Variants in FLG observed in about 807,000 individuals in gnomAD.
FLG encodes the protein epidermal filaggrin.
Under a neutral mutation model 3.8 loss-of-function variants are expected in FLG, and 6 were observed. The observed-to-expected ratio is 1.60, with a 90% CI of 0.87 to 3.15. FLG has a LOEUF of 3.15. Among genes scored for constraint, FLG ranks in the 30% most tolerant of loss-of-function variants. The pLI is 0.00. For synonymous variants in FLG, 2,551 were observed against 1,931.6 expected, an observed-to-expected ratio of 1.32 and a Z score of -8.41; for missense variants, 7,595 against 5,050.9, an observed-to-expected ratio of 1.50 and a Z score of -15.27.
Position 152,313,104 on chromosome 1 carries a change from C to T in FLG, c.1782G>A (p.Gln594=), listed in dbSNP as rs2101651276. 6.2e-7 allele frequency: 1 copy of T among 1,613,878 alleles called. No individual in the cohort carries two copies. Among genetic ancestry groups the T allele is most frequent in the Non-Finnish European group, 8.5e-7 (1 of 1,180,008 alleles). Residue 594 remains glutamine, a synonymous_variant, in exon 3 of 3, where the codon CAG becomes CAA. Coordinates refer to ENST00000368799, the MANE Select transcript of FLG (RefSeq NM_002016.2). ...SGSRHHEASS[Q]ADSSRHSQVG... ...CCTGTGAGTGTCTAGAGCTGTCAGCCTGAGAGGAAGCTTCATGATGACGTG... is the reference window on the plus strand; with the variant it reads ...CCTGTGAGTGTCTAGAGCTGTCAGCTTGAGAGGAAGCTTCATGATGACGTG...
intron 1 of FLG, among the ~76,000 whole-genome samples, chr1:152,316,080 T>C (rs572201021): frequency 5.3e-5 from 8 of 152,302 alleles, no homozygotes; most frequent in Non-Finnish European, 8.8e-5. Context: ...ATTTAAGGAA[T>C]GTTCAGTTTA....
Position 152,309,434 on chromosome 1 carries a change from C to G in FLG, c.5452G>C (p.Gly1818Arg), listed in dbSNP as rs367746281. The G allele has an allele frequency of 1.7e-5, 28 of 1,613,528 alleles. No homozygotes were observed. The East Asian group carries it at 4.9e-4, about 28-fold the overall frequency. ...EGQDTIRGHP[G>R]SSRGGRQGSH... ...CCCTGCCTTCCTCCTCTGCTTGACC[C>G]TGGGTGTCCACGAATGGTGTCCTGA... Residue 1818 changes from glycine to arginine, a missense_variant, in exon 3 of 3, where the codon GGG becomes CGG. Coordinates refer to ENST00000368799, the MANE Select transcript of FLG (RefSeq NM_002016.2).
rs1165048227 is a variant in FLG, at chr1:152,310,502, T to G, written c.4384A>C (p.Thr1462Pro). 2 of 1,613,470 alleles carry G rather than the reference T, an allele frequency of 1.2e-6. No individual in the cohort carries two copies. Among genetic ancestry groups the G allele is most frequent in the Non-Finnish European group, 1.7e-6 (2 of 1,179,862 alleles). The change falls in exon 3 of 3, where the codon ACT (threonine) becomes CCT (proline). Residue 1462 changes from threonine to proline, a missense_variant. Transcript: ENST00000368799. ...TGGCGGGATCCTTGTCTTCCTCCAG[T>G]GCTGGGTGCAGTCTGTCCGTGTGTG... The part of the protein sequence containing the change: ...ESTHGQTAPS[T>P]GGRQGSRHEQ...
rs532480960 is a variant in FLG, at chr1:152,313,472, C to G, written c.1414G>C (p.Val472Leu). Residue 472 changes from valine (V) to leucine (L), a missense_variant, in exon 3 of 3, where the codon GTG (valine) becomes CTG (leucine). Coordinates refer to ENST00000368799, the MANE Select transcript of FLG (RefSeq NM_002016.2). Reference protein sequence around the residue: ...SGRSGSSLYQVSTHEQPDSAH... With the variant: ...SGRSGSSLYQLSTHEQPDSAH... ...GAGTCAGGCTGTTCATGAGTGCTCA[C>G]CTGGTAGAGGGAAGACCCTGAACGT... 4 of 1,613,790 alleles carry G rather than the reference C, an allele frequency of 2.5e-6. No individual in the cohort carries two copies. The African/African-American group carries it at 4.0e-5, about 16-fold the overall frequency.
chr1:152,307,582 G>T lies in FLG; in HGVS notation c.7304C>A (p.Thr2435Asn), dbSNP rs773334938. Reference protein sequence around the residue: ...ESAHGRTGTSTGGRQGSHHKQ... With the variant: ...ESAHGRTGTSNGGRQGSHHKQ... ...GTGGTGGGATCCTTGTCTTCCTCCA[G>T]TGCTGGTCCCGGTCCGTCCATGGGC... Residue 2435 changes from threonine (T) to asparagine (N), a missense_variant, in exon 3 of 3, where the codon ACT becomes AAT. Transcript: ENST00000368799. The T allele has an allele frequency of 1.4e-5, 22 of 1,613,812 alleles. No homozygotes were observed. Among genetic ancestry groups the T allele is most frequent in the Middle Eastern group, 1.7e-4 (1 of 6,060 alleles).
chr1:152,312,548 G>C lies in FLG; in HGVS notation c.2338C>G (p.Arg780Gly), dbSNP rs753102917. 3 of 1,613,706 alleles carry C rather than the reference G, an allele frequency of 1.9e-6. No homozygotes were observed. The highest frequency in any genetic ancestry group is 1.7e-6 in the Non-Finnish European group (2 of 1,179,972). The part of the protein sequence containing the change: ...HHQQSHQESA[R>G]DRSGERSRRS... ...CGAGACCTTTCCCCTGACCGGTCACGTGCGGACTCTTGGTGGCTCTGCTGA... is the reference window on the plus strand; with the variant it reads ...CGAGACCTTTCCCCTGACCGGTCACCTGCGGACTCTTGGTGGCTCTGCTGA... Residue 780 changes from arginine to glycine, a missense_variant, in exon 3 of 3, where the codon CGT (arginine) becomes GGT (glycine). By Grantham distance (125) the Arg-to-Gly change is moderately radical. Transcript: ENST00000368799.
chr1:152,304,312 T>A lies in FLG; in HGVS notation c.10574A>T (p.Gln3525Leu). 5 of 1,612,036 alleles carry A rather than the reference T, an allele frequency of 3.1e-6. No individual in the cohort carries two copies. Among genetic ancestry groups the A allele is most frequent in the Non-Finnish European group, 3.4e-6 (4 of 1,178,986 alleles). Residue 3525 changes from glutamine to leucine, a missense_variant, in exon 3 of 3, where the codon CAA becomes CTA. Coordinates refer to ENST00000368799, the MANE Select transcript of FLG (RefSeq NM_002016.2). ...CCTGCTTGTCCTGGGCCCCGCTGATTGTCCCTGGCCGGACTGTGAGTGTCT... is the reference window on the plus strand; with the variant it reads ...CCTGCTTGTCCTGGGCCCCGCTGATAGTCCCTGGCCGGACTGTGAGTGTCT... ...SSRHSQSGQG[Q>L]SAGPRTSRNQ...
In FLG at chr1:152,311,313, T is replaced by C. The variant is rs113234873; in HGVS notation, c.3573A>G (p.Ser1191=). The change falls in exon 3 of 3, where the codon TCA becomes TCG. Residue 1191 remains serine (S), a synonymous_variant. Transcript: ENST00000368799. ...HEQSVDRSGH[S]GSHHSHTTSQ... is the part of the protein sequence containing the mutation. ...ATGTGGTGTGGCTGTGATGGGACCC[T>C]GAGTGTCCAGATCTATCTACCGATT... is the stretch of plus-strand genomic sequence containing the variant. 28 of 1,613,796 alleles carry C rather than the reference T, an allele frequency of 1.7e-5. No homozygotes were observed. In the African/African-American group the frequency reaches 1.7e-4, roughly 10 times the overall value.
In FLG at chr1:152,308,430, G is replaced by A. The variant is rs1419732717; in HGVS notation, c.6456C>T (p.Ser2152=). The change falls in exon 3 of 3, where the codon TCC becomes TCT. Residue 2152 remains serine, a synonymous_variant. Coordinates refer to ENST00000368799, the MANE Select transcript of FLG (RefSeq NM_002016.2). ...ACCTATCTACCGATTGCTCTTGGTG[G>A]GACCCCTGTCTTCCTCCTCTGCTTG... The part of the protein sequence containing the change: ...PGPSRGGRQG[S]HQEQSVDRSG... 1.9e-6 allele frequency: 3 copies of A among 1,613,674 alleles called. No individual in the cohort carries two copies. The highest frequency in any genetic ancestry group is 3.3e-5 in the Admixed American group (2 of 59,972).
At chr1:152,318,860 G>A (rs1335871445) in intron 1 of FLG, among the ~76,000 whole-genome samples, 1 of 151,822 alleles carries the variant, frequency 6.6e-6, no homozygotes. Context: ...ATATTGATAA[G>A]TGATATGTAC....
Position 152,304,786 on chromosome 1 carries a change from C to T in FLG, c.10100G>A (p.Ser3367Asn), listed in dbSNP as rs773870385. Residue 3367 changes from serine (S) to asparagine (N), a missense_variant, in exon 3 of 3, where the codon AGC becomes AAC. Coordinates refer to ENST00000368799, the MANE Select transcript of FLG (RefSeq NM_002016.2). ...CCGGTCACGTGCGGACTCTTGGTGG[C>T]TCTGCTGATGGGGCCCAGCCTGTCC... ...GHGQAGPHQQ[S>N]HQESARDRSG... 1.2e-6 allele frequency: 2 copies of T among 1,613,920 alleles called. No homozygotes were observed. The highest frequency in any genetic ancestry group is 1.1e-5 in the South Asian group (1 of 91,022).
rs1451892800 is a variant in FLG at position 152,310,818 on chromosome 1, T to C, written c.4068A>G (p.Arg1356=). Residue 1356 remains arginine, a synonymous_variant, in exon 3 of 3, where the codon AGA becomes AGG. Transcript: ENST00000368799. The stretch of plus-strand genomic sequence containing the variant: ...CTGACTGCTGGTGGCGGGATCCATG[T>C]CTTTCTCCTGGACTTGATCTTGCCT... ...HEQARSSPGE[R]HGSRHQQSAD... 1 of 1,611,936 alleles carries C rather than the reference T, an allele frequency of 6.2e-7. No homozygotes were observed. The highest frequency in any genetic ancestry group is 1.3e-5 in the African/African-American group (1 of 74,880).
rs1253823938 is a variant in FLG, at chr1:152,312,249, C to A, written c.2637G>T (p.Arg879Ser). ...SHHSHTTSQG[R>S]SDASRGQSGS... is the part of the protein sequence containing the mutation. Reference sequence around the variant, plus strand: ...CTGACTGCCCACGGGAGGCATCAGACCTTCCCTGGGATGTGGTGTGGCTGT... The same window carrying A: ...CTGACTGCCCACGGGAGGCATCAGAACTTCCCTGGGATGTGGTGTGGCTGT... The change falls in exon 3 of 3, where the codon AGG becomes AGT. Residue 879 changes from arginine (R) to serine (S), a missense_variant. By Grantham distance (110) the Arg-to-Ser change is moderately radical. Transcript: ENST00000368799. The A allele has an allele frequency of 6.2e-6, 10 of 1,613,746 alleles. No homozygotes were observed. The highest frequency in any genetic ancestry group is 1.6e-4 in the Middle Eastern group (1 of 6,082).
chr1:152,310,683 ATGTCCCTCACTGTTAG>A lies in FLG; in HGVS notation c.4187_4202del (p.Thr1396IlefsTer45), dbSNP rs1348750696. On this transcript the variant is annotated frameshift_variant, in exon 3 of 3. Coordinates refer to ENST00000368799, the MANE Select transcript of FLG (RefSeq NM_002016.2). LOFTEE classifies it low-confidence loss of function (END_TRUNC). ...CTGACTGTGTGTCTGAGTCTTCTGA[ATGTCCCTCACTGTTAG>A]TGACCTGACTACCACTGGACCCTCG... 1 of 1,613,606 alleles carries A rather than the reference ATGTCCCTCACTGTTAG, an allele frequency of 6.2e-7. No individual in the cohort carries two copies. The highest frequency in any genetic ancestry group is 2.2e-5 in the East Asian group (1 of 44,820).
Position 152,302,668 on chromosome 1 carries a change from A to G in FLG, c.*32T>C, listed in dbSNP as rs536917379. 1.2e-6 allele frequency: 2 copies of G among 1,611,424 alleles called. No individual in the cohort carries two copies. Among genetic ancestry groups the G allele is most frequent in the Admixed American group, 1.7e-5 (1 of 59,902 alleles). ...GAAAGTGAACTTGCTTCATTCTTCTATTCTTGGATTAATTCCTTTGCCATT... is the reference window on the plus strand; with the variant it reads ...GAAAGTGAACTTGCTTCATTCTTCTGTTCTTGGATTAATTCCTTTGCCATT... On this transcript the variant is annotated 3_prime_UTR_variant, in exon 3 of 3. Coordinates refer to ENST00000368799, the MANE Select transcript of FLG (RefSeq NM_002016.2).
rs754930940 is a variant in FLG at position 152,314,541 on chromosome 1, C to G, written c.345G>C (p.Gln115His). ...TTTTTCTGTTTTCTTTGTTTTCTTC[C>G]TGTTTATTATCTTCATGTTTATCAT... ...SHHDKHEDNKQEENKENRKRP... is the reference protein window; with the variant it reads ...SHHDKHEDNKHEENKENRKRP... Residue 115 changes from glutamine to histidine, a missense_variant, in exon 3 of 3, where the codon CAG becomes CAC. Transcript: ENST00000368799. 3.1e-6 allele frequency: 5 copies of G among 1,613,120 alleles called. No individual in the cohort carries two copies. In the East Asian group the frequency reaches 6.7e-5, roughly 22 times the overall value.
rs747053479 is a variant in FLG, at chr1:152,307,985, G to T, written c.6901C>A (p.Gln2301Lys). 2 of 1,614,160 alleles carry T rather than the reference G, an allele frequency of 1.2e-6. No individual in the cohort carries two copies. Among genetic ancestry groups the T allele is most frequent in the East Asian group, 2.2e-5 (1 of 44,874 alleles). The change falls in exon 3 of 3, where the codon CAA (glutamine) becomes AAA (lysine). Residue 2301 changes from glutamine to lysine, a missense_variant. Gln to Lys is a moderately conservative substitution (Grantham distance 53). Transcript: ENST00000368799. ...GHGHSAESSR[Q>K]SGTHHAENSS... ...TTCTCTGCATGATGAGTGCCTGATT[G>T]TCTGGAGCTCTCTGCAGAGTGCCCA...
chr1:152,302,775 A>G lies in FLG; in HGVS notation c.12111T>C (p.Gly4037=). Residue 4037 remains glycine (G), a synonymous_variant, in exon 3 of 3, where the codon GGT becomes GGC. Coordinates refer to ENST00000368799, the MANE Select transcript of FLG (RefSeq NM_002016.2). ...ATATATCACTAGAATGGCCACATAA[A>G]CCTGGGTCCTTATTAATATACGTTG... ...YYATYINKDP[G]LCGHSSDISK... 6.2e-7 allele frequency: 1 copy of G among 1,614,196 alleles called. No homozygotes were observed. The highest frequency in any genetic ancestry group is 8.5e-7 in the Non-Finnish European group (1 of 1,180,034).
In FLG at chr1:152,315,374, A is replaced by G. The variant is rs2101654349; in HGVS notation, c.83T>C (p.Leu28Ser). 6.2e-7 allele frequency: 1 copy of G among 1,613,170 alleles called. No individual in the cohort carries two copies. The highest frequency in any genetic ancestry group is 8.5e-7 in the Non-Finnish European group (1 of 1,179,452). Reference sequence around the variant, plus strand: ...AAGTTCCTTCAGCTCTTTTTTACTCAATGTGTCAGTGTTTTTATCTTTTTT... The same window carrying G: ...AAGTTCCTTCAGCTCTTTTTTACTCGATGTGTCAGTGTTTTTATCTTTTTT... ...YSKKDKNTDT[L>S]SKKELKELLE... Residue 28 changes from leucine to serine, a missense_variant, in exon 2 of 3, where the codon TTG (leucine) becomes TCG (serine). Transcript: ENST00000368799.
Sources: gnomAD v4.1 joint callset for allele counts (sites outside exome capture counted in the v4.1 genomes callset) on GRCh38, gnomAD v4.1.1 for gene constraint, MANE v1.5 for transcripts, NCBI Gene and HGNC (gene_info 2026-07-23, HGNC 2026-07-21) for gene names.